NCKAP1L: variants seen among roughly 807,000 people sequenced by gnomAD.
NCKAP1L encodes nck-associated protein 1-like.
A neutral mutation model predicts 139.2 loss-of-function variants in NCKAP1L; 53 were observed. The observed-to-expected ratio is 0.38, with a 90% CI of 0.31 to 0.48. The LOEUF (loss-of-function observed/expected upper bound fraction) is 0.48. Ranked by LOEUF, NCKAP1L falls within the 20% of genes least tolerant of loss-of-function variation. The probability of loss-of-function intolerance (pLI) is 0.98; values close to 1 mark genes in which losing one functional copy is unlikely to be tolerated. For synonymous variants in NCKAP1L, 468 were observed against 499.7 expected, an observed-to-expected ratio of 0.94 and a Z score of 0.85; for missense variants, 1,151 against 1,381.9, an observed-to-expected ratio of 0.83 and a Z score of 2.65.
intron 18 of NCKAP1L, among the ~76,000 whole-genome samples, chr12:54,521,462 A>G (rs1294603553): frequency 6.6e-6 from 1 of 152,128 alleles, no homozygotes; most frequent in Non-Finnish European, 1.5e-5. Flanking sequence ...AAATACTCTT[A>G]TTTGAACAGC....
chr12:54,518,502 G>A lies in NCKAP1L; in HGVS notation c.1339-149G>A. On this transcript the variant is annotated intron_variant, in intron 13 of 30. Transcript: ENST00000293373. ...GTTAGAATGGCAGGGAACCCGGAAAGTTTCCTTCATCTCTTGCTTGGCTTT... is the reference window on the plus strand; with the variant it reads ...GTTAGAATGGCAGGGAACCCGGAAAATTTCCTTCATCTCTTGCTTGGCTTT... 4.1e-6 allele frequency: 3 copies of A among 726,196 alleles called. No individual in the cohort carries two copies. The South Asian group carries it at 4.5e-5, about 11-fold the overall frequency. 45.0% of individuals were successfully genotyped at this position (726,196 alleles called of 1,614,324 possible). A position where few individuals can be genotyped will look rare whatever the true frequency, so the allele number is the denominator to read the frequency against.
intron 10 of NCKAP1L, 60 bp from the exon 11 acceptor site, chr12:54,516,836 C>G: frequency 7.1e-7 from 1 of 1,418,040 alleles, no homozygotes; most frequent in South Asian, 1.2e-5. Context: ...TTCTGTGCTG[C>G]CTGTGGAGGG....
At chr12:54,538,852 A>G in intron 29 of NCKAP1L, 32 bp from the exon 30 acceptor site, 1 of 1,577,148 alleles carries the variant, frequency 6.3e-7, no homozygotes, top group Non-Finnish European at 8.7e-7. Flanking sequence ...TGACCTGTAT[A>G]AAAATCTGCT....
intron 9 of NCKAP1L, among the ~76,000 whole-genome samples, chr12:54,514,488 A>AT (rs1295376356): frequency 3.3e-5 from 5 of 151,788 alleles, no homozygotes; most frequent in South Asian, 2.1e-4. Flanking sequence ...CCCCCAGCTA[A>AT]TTTTTTGTAT....
rs150700293 is a variant in NCKAP1L at position 54,536,304 on chromosome 12, G to A, written c.3073+59G>A. On this transcript the variant is annotated intron_variant, in intron 28 of 30. Transcript: ENST00000293373. The stretch of plus-strand genomic sequence containing the variant: ...ATTCAAGTTAGTGTCCTGGGGTAGA[G>A]AGAGGAGACAGAGATACTGGAAAAT... 3.5e-5 allele frequency: 42 copies of A among 1,210,738 alleles called. No individual in the cohort carries two copies. The African/African-American group carries it at 6.0e-4, about 17-fold the overall frequency. The allele number at this position is 1,210,738 out of a possible 1,614,324, so 75.0% of individuals were successfully genotyped here. A position where few individuals can be genotyped will look rare whatever the true frequency, so the allele number is the denominator to read the frequency against.
chr12:54,520,592 G>C, intron 16 of NCKAP1L, 102 bp from the exon 17 acceptor site: 1 of 1,178,494 alleles, frequency 8.5e-7, no homozygotes, highest in Non-Finnish European at 1.3e-6. Context: ...CGCCTCAAAG[G>C]GACTAGCTCT....
rs138018649 is a variant in NCKAP1L at position 54,508,506 on chromosome 12, G to C, written c.481G>C (p.Ala161Pro). Reference sequence around the variant, plus strand: ...GATACTCATTGGCATGTACAATTGTGCCCATGAGATGCTGCATGGGCATGG... The same window carrying C: ...GATACTCATTGGCATGTACAATTGTCCCCATGAGATGCTGCATGGGCATGG... ...RRILIGMYNCAHEMLHGHGDP... is the reference protein window; with the variant it reads ...RRILIGMYNCPHEMLHGHGDP... Residue 161 changes from alanine (A) to proline (P), a missense_variant, in exon 5 of 31, where the codon GCC (alanine) becomes CCC (proline). By Grantham distance (27) the Ala-to-Pro change is conservative. Transcript: ENST00000293373. 1.9e-6 allele frequency: 3 copies of C among 1,614,040 alleles called. No individual in the cohort carries two copies. The highest frequency in any genetic ancestry group is 2.5e-6 in the Non-Finnish European group (3 of 1,180,018).
chr12:54,518,496 C>T lies in NCKAP1L; in HGVS notation c.1339-155C>T, dbSNP rs61693556. 8.2e-4 allele frequency: 580 copies of T among 710,670 alleles called. 2 individuals carry two copies. In the African/African-American group the frequency reaches 8.5e-3, roughly 10 times the overall value. 44.0% of individuals were successfully genotyped at this position (710,670 alleles called of 1,614,324 possible). The stretch of plus-strand genomic sequence containing the variant: ...CTGGATGTTAGAATGGCAGGGAACC[C>T]GGAAAGTTTCCTTCATCTCTTGCTT... On this transcript the variant is annotated intron_variant, in intron 13 of 30. Transcript: ENST00000293373.
At position 54,512,049 on chromosome 12, in the gene NCKAP1L, T is replaced by C. The variant is rs143161034; in HGVS notation, c.885T>C (p.Arg295=). 2 of 1,614,134 alleles carry C rather than the reference T, an allele frequency of 1.2e-6. No homozygotes were observed. Among genetic ancestry groups the C allele is most frequent in the Non-Finnish European group, 1.7e-6 (2 of 1,180,010 alleles). ...LQGSLYITLI[R]EDVLQVHKVT... ...GCTCCCTCTACATCACCCTTATCCG[T>C]GAGGATGTGCTGCAGGTGCACAAAG... Residue 295 remains arginine, a synonymous_variant, in exon 9 of 31, where the codon CGT becomes CGC. Transcript: ENST00000293373.
intron 13 of NCKAP1L, 69 bp from the exon 14 acceptor site, chr12:54,518,582 C>T (rs553602339): frequency 6.1e-6 from 7 of 1,155,368 alleles, no homozygotes; most frequent in South Asian, 1.2e-5. Context: ...GCTGACTGAG[C>T]CTCATGGTCC....
At chr12:54,529,537 A>G (rs1450746534) in intron 22 of NCKAP1L, among the ~76,000 whole-genome samples, 1 of 152,128 alleles carries the variant, frequency 6.6e-6, no homozygotes, top group Admixed American at 6.6e-5. Context: ...GGTGCTAAGA[A>G]AGCCAAAGTA....
At chr12:54,538,701 G>A (rs1592354426) in intron 29 of NCKAP1L, among the ~76,000 whole-genome samples, 183 bp from the exon 30 acceptor site, 1 of 152,214 alleles carries the variant, frequency 6.6e-6, no homozygotes, top group African/African-American at 2.4e-5. Context: ...TGAGATCCAG[G>A]CTGGCTTATA....
intron 15 of NCKAP1L, 97 bp from the exon 16 acceptor site, chr12:54,519,090 T>A: frequency 6.4e-7 from 1 of 1,568,806 alleles, no homozygotes; most frequent in Non-Finnish European, 8.7e-7. Flanking sequence ...AAACTGCTAA[T>A]TGGACAAGAC....
At chr12:54,498,079 TC>T (rs1956764985) in intron 1 of NCKAP1L, among the ~76,000 whole-genome samples, 188 bp downstream of exon 1, 2 of 152,072 alleles carry the variant, frequency 1.3e-5, no homozygotes, top group Non-Finnish European at 2.9e-5. Flanking sequence ...AGGCTTCTTT[TC>T]AAGGCTTCCC....
chr12:54,507,798 T>C, intron 3 of NCKAP1L, 55 bp from the exon 4 acceptor site: 8 of 1,523,290 alleles, frequency 5.3e-6, no homozygotes, highest in Non-Finnish European at 7.3e-6. Context: ...GTTCTGGTAG[T>C]ACGTCACCTT....
chr12:54,518,057 T>C (rs1956948308), intron 13 of NCKAP1L, 119 bp downstream of exon 13: 2 of 1,248,472 alleles, frequency 1.6e-6, no homozygotes, highest in Non-Finnish European at 2.3e-6. Flanking sequence ...AGGTCCAATC[T>C]AGGCTGGGCG....
intron 7 of NCKAP1L, among the ~76,000 whole-genome samples, chr12:54,511,433 G>T (rs1324314702): frequency 2.6e-5 from 4 of 152,312 alleles, no homozygotes; most frequent in African/African-American, 9.6e-5. Flanking sequence ...TAGAGACAGG[G>T]TTTTGCTCTG....
intron 8 of NCKAP1L, 34 bp from the exon 9 acceptor site, chr12:54,511,915 A>G: frequency 6.2e-7 from 1 of 1,614,170 alleles, no homozygotes; most frequent in Non-Finnish European, 8.5e-7. Context: ...ACAAGTTCTA[A>G]AAGTCTTCCT....
At position 54,543,124 on chromosome 12, in the gene NCKAP1L, T is replaced by C. The variant is rs1957173474; in HGVS notation, c.*439T>C. 6.4e-6 allele frequency: 1 copy of C among 156,538 alleles called. No homozygotes were observed. The highest frequency in any genetic ancestry group is 2.4e-5 in the African/African-American group (1 of 41,594). 9.7% of individuals were successfully genotyped at this position (156,538 alleles called of 1,614,324 possible). ...ATAATCCTCCCACTGGAGCTGCTAT[T>C]GTCTCCTGCACATTCATTAGGACCA... On this transcript the variant is annotated 3_prime_UTR_variant, in exon 31 of 31. Transcript: ENST00000293373.
Sources: gnomAD v4.1 joint callset for allele counts (sites outside exome capture counted in the v4.1 genomes callset) on GRCh38, gnomAD v4.1.1 for gene constraint, MANE v1.5 for transcripts, NCBI Gene and HGNC (gene_info 2026-07-23, HGNC 2026-07-21) for gene names.